GULP1: variants seen among roughly 807,000 people sequenced by gnomAD.
GULP1 encodes GULP PTB domain containing engulfment adaptor 1.
Under a neutral mutation model 40.9 loss-of-function variants are expected in GULP1, and 19 were observed. The observed-to-expected ratio is 0.46, with a 90% CI of 0.32 to 0.68. The LOEUF is 0.68. Ranked by LOEUF, GULP1 falls within the 30% of genes least tolerant of loss-of-function variation. GULP1 has a pLI of 0.03. For synonymous variants in GULP1, 119 were observed against 117.6 expected, an observed-to-expected ratio of 1.01 and a Z score of -0.08; for missense variants, 312 against 362.2, an observed-to-expected ratio of 0.86 and a Z score of 1.12.
intron 1 of GULP1, among the ~76,000 whole-genome samples, chr2:188,312,010 GCA>G (rs1178319097): frequency 2.0e-5 from 3 of 151,556 alleles, no homozygotes; most frequent in Admixed American, 2.0e-4. Context: ...GAGAAATACA[GCA>G]TTAATATAGA....
Position 188,346,578 on chromosome 2 carries a change from C to T in GULP1, c.-171-37185C>T, listed in dbSNP as rs896653591. Among the ~76,000 whole-genome samples, 9 of 151,480 alleles carry T rather than the reference C, an allele frequency of 5.9e-5. No individual in the cohort carries two copies. In the East Asian group the frequency reaches 1.4e-3, roughly 23 times the overall value. On this transcript the variant is annotated intron_variant, in intron 1 of 11. Coordinates refer to ENST00000409830, the MANE Select transcript of GULP1 (RefSeq NM_016315.4). ...TGCGATCTCGGGTCACTACAAGCTC[C>T]GCCTCCTGGGTTCACGCCATTCTCC...
chr2:188,344,517 C>G (rs1243687762), intron 1 of GULP1, among the ~76,000 whole-genome samples: 1 of 152,120 alleles, frequency 6.6e-6, no homozygotes, highest in Non-Finnish European at 1.5e-5. Flanking sequence ...CTTTTAAGGA[C>G]AAGATAGTAG....
At chr2:188,508,814 C>T (rs760734833) in intron 4 of GULP1, among the ~76,000 whole-genome samples, 8 of 151,974 alleles carry the variant, frequency 5.3e-5, no homozygotes, top group Non-Finnish European at 5.9e-5. Flanking sequence ...ACACATCATT[C>T]GACACCATTT....
At chr2:188,467,457 C>A (rs899014384) in intron 2 of GULP1, among the ~76,000 whole-genome samples, 1 of 152,060 alleles carries the variant, frequency 6.6e-6, no homozygotes, top group African/African-American at 2.4e-5. Context: ...ATGGTAATCT[C>A]AGTATCAAGA....
intron 2 of GULP1, among the ~76,000 whole-genome samples, chr2:188,427,714 G>A (rs1412958790): frequency 1.3e-5 from 2 of 152,222 alleles, no homozygotes; most frequent in Admixed American, 6.5e-5. Context: ...ATATAGAAAA[G>A]ACTGGATGTA....
chr2:188,460,235 T>C (rs2059589521), intron 2 of GULP1, among the ~76,000 whole-genome samples: 1 of 152,110 alleles, frequency 6.6e-6, no homozygotes, highest in African/African-American at 2.4e-5. Context: ...TGCTTTAGGG[T>C]AGTATGTACA....
chr2:188,334,426 T>C (rs1403598445), intron 1 of GULP1, among the ~76,000 whole-genome samples: 1 of 152,208 alleles, frequency 6.6e-6, no homozygotes, highest in Non-Finnish European at 1.5e-5. Flanking sequence ...TGAAACCACC[T>C]GAAAAGCTTT....
chr2:188,313,334 A>G (rs954603321), intron 1 of GULP1, among the ~76,000 whole-genome samples: 1 of 152,148 alleles, frequency 6.6e-6, no homozygotes, highest in Non-Finnish European at 1.5e-5. Context: ...AATTTTCTGC[A>G]TATGGCTAGC....
At chr2:188,337,104 A>G (rs1337675492) in intron 1 of GULP1, among the ~76,000 whole-genome samples, 2 of 146,508 alleles carry the variant, frequency 1.4e-5, no homozygotes, top group African/African-American at 2.5e-5. Context: ...ATCTATATCT[A>G]TATCTATATC....
At chr2:188,478,649 C>T (rs2061219002) in intron 3 of GULP1, among the ~76,000 whole-genome samples, 1 of 152,022 alleles carries the variant, frequency 6.6e-6, no homozygotes, top group Non-Finnish European at 1.5e-5. Flanking sequence ...AATTGTCAAA[C>T]AAGGGCCCAG....
At chr2:188,561,405 T>G (rs1696233102) in intron 7 of GULP1, among the ~76,000 whole-genome samples, 1 of 152,168 alleles carries the variant, frequency 6.6e-6, no homozygotes. Context: ...TATGTTGATG[T>G]GGGCAGTGGC....
intron 9 of GULP1, among the ~76,000 whole-genome samples, chr2:188,578,428 A>G (rs764867517): frequency 6.6e-6 from 1 of 152,036 alleles, no homozygotes; most frequent in African/African-American, 2.4e-5. Flanking sequence ...TATAGGGCTT[A>G]AAACCTAGAT....
At chr2:188,365,603 A>G (rs550207327) in intron 1 of GULP1, among the ~76,000 whole-genome samples, 6 of 152,308 alleles carry the variant, frequency 3.9e-5, no homozygotes, top group Admixed American at 3.9e-4. Flanking sequence ...TTGCAAGTCT[A>G]CTGGGAAGGA....
intron 2 of GULP1, among the ~76,000 whole-genome samples, chr2:188,425,179 A>G (rs757648666): frequency 5.9e-5 from 9 of 152,084 alleles, no homozygotes; most frequent in Non-Finnish European, 1.0e-4. Flanking sequence ...GAAATAATTT[A>G]TACAGGAAAG....
intron 1 of GULP1, among the ~76,000 whole-genome samples, chr2:188,375,141 A>G (rs748878716): frequency 1.8e-4 from 28 of 152,268 alleles, no homozygotes; most frequent in Non-Finnish European, 3.2e-4. Context: ...ACAAATTTGT[A>G]TATGTTTTTG....
At chr2:188,489,743 T>A (rs1306653070) in intron 4 of GULP1, among the ~76,000 whole-genome samples, 1 of 152,066 alleles carries the variant, frequency 6.6e-6, no homozygotes, top group Non-Finnish European at 1.5e-5. Context: ...ATGTTACCTT[T>A]CCCTTGTCCT....
chr2:188,534,211 C>G (rs1301606005), intron 6 of GULP1, among the ~76,000 whole-genome samples: 1 of 152,106 alleles, frequency 6.6e-6, no homozygotes, highest in Non-Finnish European at 1.5e-5. Flanking sequence ...GCACTTTTCA[C>G]AATAGCAAAA....
chr2:188,490,433 A>C (rs1351672596), intron 4 of GULP1, among the ~76,000 whole-genome samples: 1 of 152,124 alleles, frequency 6.6e-6, no homozygotes, highest in Non-Finnish European at 1.5e-5. Flanking sequence ...TGTATGTGAA[A>C]TTGCTTCATC....
At chr2:188,412,099 C>T (rs2053970468) in intron 2 of GULP1, among the ~76,000 whole-genome samples, 1 of 152,082 alleles carries the variant, frequency 6.6e-6, no homozygotes, top group Non-Finnish European at 1.5e-5. Context: ...TTCAGACCTG[C>T]TTAAGTTCAC....
Sources: allele counts gnomAD v4.1 joint callset (sites outside exome capture counted in the v4.1 genomes callset), GRCh38; gene constraint gnomAD v4.1.1; transcripts MANE v1.5; gene names NCBI Gene and HGNC (gene_info 2026-07-23, HGNC 2026-07-21).